CPVL: variants seen among roughly 807,000 people sequenced by gnomAD.
CPVL encodes carboxypeptidase vitellogenic like.
Under a neutral mutation model 63.7 loss-of-function variants are expected in CPVL, and 51 were observed. The observed-to-expected ratio is 0.80, with a 90% CI of 0.64 to 1.01. CPVL has a LOEUF of 1.01. Among genes scored for constraint, CPVL ranks in the 50% least tolerant of loss-of-function variants. The probability of loss-of-function intolerance (pLI) is 0.00; values close to 1 mark genes in which losing one functional copy is unlikely to be tolerated. For synonymous variants in CPVL, 195 were observed against 206.0 expected (o/e 0.95, Z 0.46); for missense variants, 530 against 573.1 (o/e 0.92, Z 0.77).
At chr7:29,156,020 G>A (rs1361128318) in intron 5 of CPVL, among the ~76,000 whole-genome samples, 1 of 152,172 alleles carries the variant, frequency 6.6e-6, no homozygotes, top group Non-Finnish European at 1.5e-5. Context: ...TTTAATATTG[G>A]TTTTCTTCCC....
intron 1 of CPVL, among the ~76,000 whole-genome samples, chr7:29,140,928 A>T (rs2128669776): frequency 6.6e-6 from 1 of 152,278 alleles, no homozygotes; most frequent in East Asian, 1.9e-4. Flanking sequence ...AGGAGAATGA[A>T]TGAAGTGATT....
chr7:29,016,126 G>A (rs963316355), intron 12 of CPVL, among the ~76,000 whole-genome samples: 3 of 152,086 alleles, frequency 2.0e-5, no homozygotes, highest in African/African-American at 7.2e-5. Context: ...GAAGGCTGGT[G>A]GATCACCTGA....
rs140255536 is a variant in CPVL, at chr7:29,096,464, GA to G, written c.289-248del. 9.8e-4 allele frequency: 524 copies of G among 532,134 alleles called. 3 individuals are homozygous for G. Among genetic ancestry groups the G allele is most frequent in the African/African-American group, 8.0e-3 (429 of 53,310 alleles). 33.0% of individuals were successfully genotyped at this position (532,134 alleles called of 1,614,324 possible). ...ATGCAGTCAAGTCTTTTCCCAACAA[GA>G]GACAGAAAGCTCCTTAAATGTAGAT... is the stretch of plus-strand genomic sequence containing the variant. On this transcript the variant is annotated intron_variant, in intron 3 of 12. Coordinates refer to ENST00000265394, the MANE Select transcript of CPVL (RefSeq NM_031311.5).
intron 5 of CPVL, among the ~76,000 whole-genome samples, chr7:29,167,546 G>A (rs1796074595): frequency 6.6e-6 from 1 of 152,176 alleles, no homozygotes; most frequent in African/African-American, 2.4e-5. Context: ...GTATTGCTGA[G>A]TCGAAGACTA....
chr7:29,006,556 C>G (rs886450403), intron 12 of CPVL, among the ~76,000 whole-genome samples: 7 of 152,164 alleles, frequency 4.6e-5, no homozygotes, highest in South Asian at 4.1e-4. Flanking sequence ...ATCTACAAGA[C>G]TCTTCCATTT....
chr7:29,169,182 G>C (rs559121575), intron 5 of CPVL, among the ~76,000 whole-genome samples: 3 of 151,996 alleles, frequency 2.0e-5, no homozygotes, highest in Non-Finnish European at 4.4e-5. Flanking sequence ...TGTATATTCA[G>C]TACTGTTTTT....
intron 12 of CPVL, chr7:29,012,685 G>C (rs1499219): frequency 0.18 from 27,661 of 152,166 alleles, 2,763 homozygotes; most frequent in East Asian, 0.28. Context: ...TAGCTTGTAA[G>C]TAAAAATGGA....
At chr7:29,123,652 T>A (rs1789657434) in intron 1 of CPVL, among the ~76,000 whole-genome samples, 1 of 116,144 alleles carries the variant, frequency 8.6e-6, no homozygotes, top group Non-Finnish European at 1.7e-5. Context: ...TATATATATA[T>A]ATATGCAATA....
chr7:29,141,668 G>A (rs1479988211), intron 1 of CPVL, among the ~76,000 whole-genome samples: 5 of 151,474 alleles, frequency 3.3e-5, no homozygotes, highest in African/African-American at 1.2e-4. Context: ...TGTAATCCCA[G>A]CACTTTGGGA....
intron 3 of CPVL, among the ~76,000 whole-genome samples, chr7:29,097,809 G>C (rs1786597327): frequency 6.6e-6 from 1 of 152,186 alleles, no homozygotes; most frequent in Non-Finnish European, 1.5e-5. Flanking sequence ...GCTTCAATGA[G>C]GTCTGAGCGC....
intron 11 of CPVL, among the ~76,000 whole-genome samples, chr7:29,031,934 T>C (rs555278761): frequency 6.6e-6 from 1 of 152,176 alleles, no homozygotes; most frequent in Non-Finnish European, 1.5e-5. Flanking sequence ...ATATATGGAA[T>C]ACAAAGTTTG....
chr7:29,128,976 A>G, intron 1 of CPVL, among the ~76,000 whole-genome samples: 1 of 152,108 alleles, frequency 6.6e-6, no homozygotes, highest in East Asian at 1.9e-4. Context: ...GAGCTCCTAG[A>G]GTCTTATCTT....
intron 9 of CPVL, among the ~76,000 whole-genome samples, chr7:29,069,719 G>A (rs1475066930): frequency 6.6e-6 from 1 of 151,312 alleles, no homozygotes; most frequent in East Asian, 2.0e-4. Flanking sequence ...GTATCCTTCG[G>A]CAATTCATTG....
At chr7:29,013,223 T>A (rs1786029898) in intron 12 of CPVL, 1 of 152,240 alleles carries the variant, frequency 6.6e-6, no homozygotes. Context: ...GAGGAGATCA[T>A]CTTGGATGTC....
At chr7:29,101,998 T>C (rs1361782988) in intron 3 of CPVL, among the ~76,000 whole-genome samples, 1 of 152,228 alleles carries the variant, frequency 6.6e-6, no homozygotes, top group Non-Finnish European at 1.5e-5. Flanking sequence ...TATTAATTCA[T>C]TTAACATACA....
At chr7:29,083,921 A>G (rs2128593577) in intron 7 of CPVL, among the ~76,000 whole-genome samples, 1 of 152,022 alleles carries the variant, frequency 6.6e-6, no homozygotes, top group Non-Finnish European at 1.5e-5. Context: ...TTACTTGTCT[A>G]ATTTTTTCCT....
At chr7:29,042,487 C>G (rs1584077070) in intron 11 of CPVL, among the ~76,000 whole-genome samples, 1 of 151,996 alleles carries the variant, frequency 6.6e-6, no homozygotes, top group African/African-American at 2.4e-5. Context: ...CTCCTGTAGT[C>G]CCAGCTACTT....
At chr7:29,003,099 T>C (rs1008344907) in intron 12 of CPVL, among the ~76,000 whole-genome samples, 4 of 151,380 alleles carry the variant, frequency 2.6e-5, no homozygotes, top group African/African-American at 9.7e-5. Context: ...AACCACATCA[T>C]AGTACACATA....
intron 12 of CPVL, among the ~76,000 whole-genome samples, chr7:29,017,605 C>T (rs146209043): frequency 3.0e-4 from 46 of 152,300 alleles, no homozygotes; most frequent in African/African-American, 9.9e-4. Context: ...TGCATTCCAG[C>T]CTGGGCAACA....
Sources: gnomAD v4.1 joint callset for allele counts (sites outside exome capture counted in the v4.1 genomes callset) on GRCh38, gnomAD v4.1.1 for gene constraint, MANE v1.5 for transcripts, NCBI Gene and HGNC (gene_info 2026-07-23, HGNC 2026-07-21) for gene names.